CACNA1A: variants seen among roughly 807,000 people sequenced by gnomAD.
The protein encoded by CACNA1A is voltage-dependent P/Q-type calcium channel subunit alpha-1A.
A neutral mutation model predicts 262.4 loss-of-function variants in CACNA1A; 57 were observed. That is an observed-to-expected ratio of 0.22 (90% CI 0.18 to 0.27). The LOEUF (loss-of-function observed/expected upper bound fraction) is 0.27. Among genes scored for constraint, CACNA1A ranks in the 10% least tolerant of loss-of-function variants. The pLI is 1.00. For missense variants in CACNA1A, 2,526 were observed against 3,562.8 expected, an observed-to-expected ratio of 0.71 and a Z score of 7.41; for synonymous variants, 1,431 against 1,419.3, an observed-to-expected ratio of 1.01 and a Z score of -0.18.
At position 13,506,033 on chromosome 19, in the gene CACNA1A, G is replaced by A; in HGVS notation, c.192C>T (p.Pro64=). 1 of 1,613,988 alleles carries A rather than the reference G, an allele frequency of 6.2e-7. No individual in the cohort carries two copies. The highest frequency in any genetic ancestry group is 8.5e-7 in the Non-Finnish European group (1 of 1,179,876). ...QRARTMALYN[P]IPVRQNCLTV... is the part of the protein sequence containing the mutation. ...TGAGGCAGTTCTGTCGGACGGGGAT[G>A]GGGTTGTAGAGTGCCATGGTCCGCG... is the stretch of plus-strand genomic sequence containing the variant. Residue 64 remains proline (P), a synonymous_variant, in exon 1 of 47, where the codon CCC becomes CCT. Coordinates refer to ENST00000360228, the MANE Select transcript of CACNA1A (RefSeq NM_001127222.2).
chr19:13,359,438 A>G (rs2059063806), intron 6 of CACNA1A, among the ~76,000 whole-genome samples, 168 bp downstream of exon 6: 1 of 151,994 alleles, frequency 6.6e-6, no homozygotes, highest in South Asian at 2.1e-4. Context: ...AGCCCCTGTA[A>G]TCTTCAAAAG....
intron 26 of CACNA1A, 113 bp from the exon 27 acceptor site, chr19:13,259,814 C>G (rs1600191616): frequency 8.4e-7 from 1 of 1,190,560 alleles, no homozygotes; most frequent in Non-Finnish European, 1.2e-6. Flanking sequence ...CCAGCCTAGA[C>G]TGCTTGGGAA....
chr19:13,207,191 T>G lies in CACNA1A; in HGVS notation c.*122A>C, dbSNP rs1236922469. On this transcript the variant is annotated 3_prime_UTR_variant, in exon 47 of 47. Transcript: ENST00000360228. This position sits in a 1 kb window ranked among gnomAD's most constrained non-coding sequence, Gnocchi z 5.7. The stretch of plus-strand genomic sequence containing the variant: ...GCCCTGGCCTCTCCAGAGTCTGGGG[T>G]CTCCCGGCTGGCCCTCTCCCGGGCC... 2 of 1,079,822 alleles carry G rather than the reference T, an allele frequency of 1.9e-6. No individual in the cohort carries two copies. Among genetic ancestry groups the G allele is most frequent in the Non-Finnish European group, 2.5e-6 (2 of 804,244 alleles). 66.9% of individuals were successfully genotyped at this position (1,079,822 alleles called of 1,614,324 possible).
intron 34 of CACNA1A, among the ~76,000 whole-genome samples, chr19:13,233,774 A>T (rs2055757295): frequency 6.6e-6 from 1 of 152,190 alleles, no homozygotes; most frequent in Non-Finnish European, 1.5e-5. Flanking sequence ...TACAGGCACG[A>T]GTCACTGCAC....
rs371511931 is a variant in CACNA1A, at chr19:13,393,715, T to G, written c.540-21936A>C. Among the ~76,000 whole-genome samples the G allele has an allele frequency of 5.7e-5, 8 of 140,530 alleles. No homozygotes were observed. In the East Asian group the frequency reaches 6.7e-4, roughly 12 times the overall value. 92.2% of individuals were successfully genotyped at this position (140,530 alleles called of 152,430 possible). On this transcript the variant is annotated intron_variant, in intron 3 of 46. Coordinates refer to ENST00000360228, the MANE Select transcript of CACNA1A (RefSeq NM_001127222.2). ...TCTTTCTTTACCTTTCTCTCTCTCT[T>G]TCTGTCTTCCTCTTTTCTTTCCTTT...
chr19:13,233,208 C>T (rs1372880983), intron 34 of CACNA1A, among the ~76,000 whole-genome samples: 2 of 152,114 alleles, frequency 1.3e-5, no homozygotes, highest in African/African-American at 2.4e-5. Flanking sequence ...GCAGTCCCCT[C>T]GGCTTGGCCT....
rs184278005 is a variant in CACNA1A at position 13,253,692 on chromosome 19, C to G, written c.4756-591G>C. ...GATCTCCTAACCTTGTGATCGCCCT[C>G]CTCGGCCTCCCAAAGTGCTGGGATT... On this transcript the variant is annotated intron_variant, in intron 29 of 46. Coordinates refer to ENST00000360228, the MANE Select transcript of CACNA1A (RefSeq NM_001127222.2). Among the ~76,000 whole-genome samples, 479 of 151,920 alleles carry G rather than the reference C, an allele frequency of 3.2e-3. 7 individuals are homozygous for G. The highest frequency in any genetic ancestry group is 6.4e-3 in the East Asian group (33 of 5,146).
chr19:13,382,773 C>A (rs1169538119), intron 3 of CACNA1A, among the ~76,000 whole-genome samples: 2 of 152,152 alleles, frequency 1.3e-5, no homozygotes, highest in Non-Finnish European at 2.9e-5. Context: ...AGTGGGAGTA[C>A]AAAAGAGGCC....
rs148308280 is a variant in CACNA1A at position 13,271,214 on chromosome 19, G to GTTTTTTTTTTTTTTTTTT, written c.3989+4618_3989+4635dup. The GTTTTTTTTTTTTTTTTTT allele has an allele frequency of 5.0e-5, 4 of 80,438 alleles. 1 individual carries two copies. The highest frequency in any genetic ancestry group is 5.3e-5 in the African/African-American group (1 of 18,990). 5.0% of individuals were successfully genotyped at this position (80,438 alleles called of 1,614,324 possible). ...AACTCCCCAAAAGAATCATTCTGCT[G>GTTTTTTTTTTTTTTTTTT]TTTTTTTTTTTTTTTTTTTTTTTTG... On this transcript the variant is annotated intron_variant, in intron 24 of 46. Coordinates refer to ENST00000360228, the MANE Select transcript of CACNA1A (RefSeq NM_001127222.2).
At chr19:13,451,373 A>G (rs2060911370) in intron 3 of CACNA1A, 2 of 152,308 alleles carry the variant, frequency 1.3e-5, no homozygotes, top group African/African-American at 4.8e-5. Context: ...AATGATTACT[A>G]TGAAAAAGGT....
intron 3 of CACNA1A, among the ~76,000 whole-genome samples, chr19:13,389,299 A>G (rs1345459284): frequency 2.6e-5 from 4 of 152,118 alleles, no homozygotes; most frequent in African/African-American, 7.2e-5. Context: ...CCGCTGTCAC[A>G]TGCCGCCTCC....
At chr19:13,371,437 G>C (rs2059321438) in intron 4 of CACNA1A, 1 of 485,946 alleles carries the variant, frequency 2.1e-6, no homozygotes, top group African/African-American at 1.9e-5. Context: ...GATCACACGT[G>C]GTGCTTAGCA....
intron 1 of CACNA1A, among the ~76,000 whole-genome samples, chr19:13,504,245 T>C (rs1231198426): frequency 6.6e-6 from 1 of 152,176 alleles, no homozygotes; most frequent in Non-Finnish European, 1.5e-5. Context: ...GGGCCTGGGA[T>C]GGTGAGGAAT....
chr19:13,227,394 A>G, intron 37 of CACNA1A, 37 bp downstream of exon 37: 1 of 1,037,956 alleles, frequency 9.6e-7, no homozygotes, highest in Non-Finnish European at 1.4e-6. Flanking sequence ...AAAAAAACCC[A>G]GTGCCTGGAC....
intron 1 of CACNA1A, among the ~76,000 whole-genome samples, chr19:13,469,129 A>G (rs1030945416): frequency 1.3e-5 from 2 of 152,142 alleles, no homozygotes; most frequent in Admixed American, 1.3e-4. Context: ...AAACCAGCCA[A>G]TGCCATGAAG....
At chr19:13,470,613 T>G (rs2061332248) in intron 1 of CACNA1A, among the ~76,000 whole-genome samples, 1 of 152,190 alleles carries the variant, frequency 6.6e-6, no homozygotes, top group African/African-American at 2.4e-5. Context: ...TGTTGCCCTT[T>G]CTCCCTAAAA....
chr19:13,342,909 A>G (rs991028489), intron 6 of CACNA1A, among the ~76,000 whole-genome samples: 5 of 152,100 alleles, frequency 3.3e-5, no homozygotes, highest in Admixed American at 3.3e-4. Flanking sequence ...GCCCTGACCA[A>G]TACATCTTTT....
chr19:13,223,692 G>GTT (rs1461014212), intron 38 of CACNA1A, among the ~76,000 whole-genome samples: 2 of 152,160 alleles, frequency 1.3e-5, no homozygotes, highest in African/African-American at 2.4e-5. Flanking sequence ...CGGGTGTCCT[G>GTT]TGTTCACCCC....
rs779677432 is a variant in CACNA1A, at chr19:13,453,029, A to T, written c.400-14T>A. The T allele has an allele frequency of 6.2e-7, 1 of 1,613,844 alleles. No homozygotes were observed. The highest frequency in any genetic ancestry group is 1.7e-5 in the Admixed American group (1 of 60,020). On this transcript the variant is annotated splice_polypyrimidine_tract_variant and intron_variant, in intron 2 of 46. Coordinates refer to ENST00000360228, the MANE Select transcript of CACNA1A (RefSeq NM_001127222.2). ...TTCTGTGTCATCCTGGAAGGGAGAG[A>T]AGGCAAGGTCAGCGTCTTGGGCTGG...
Sources: gnomAD v4.1 joint callset for allele counts (sites outside exome capture counted in the v4.1 genomes callset) on GRCh38, gnomAD v4.1.1 for gene constraint, Gnocchi (gnomAD v3.1) non-coding constraint, MANE v1.5 for transcripts, NCBI Gene and HGNC (gene_info 2026-07-23, HGNC 2026-07-21) for gene names.